ADK: variants seen among roughly 807,000 people sequenced by gnomAD.
ADK encodes the protein N6,N6-dimethyladenosine kinase.
In ADK, 24 loss-of-function variants were observed where a neutral mutation model predicts 44.7. The ratio of observed to expected loss-of-function variants is 0.54; its 90% confidence interval spans 0.39 to 0.76. The LOEUF is 0.76. Ranked by LOEUF, ADK falls within the 30% of genes least tolerant of loss-of-function variation. The probability of loss-of-function intolerance (pLI) is 0.00; values close to 1 mark genes in which losing one functional copy is unlikely to be tolerated. For synonymous variants in ADK, 128 were observed against 142.6 expected, an observed-to-expected ratio of 0.90 and a Z score of 0.73; for missense variants, 321 against 425.1, an observed-to-expected ratio of 0.76 and a Z score of 2.15.
At chr10:74,332,921 CTTAAA>C in intron 4 of ADK, among the ~76,000 whole-genome samples, 1 of 152,022 alleles carries the variant, frequency 6.6e-6, no homozygotes. Context: ...GGTTATTTTT[CTTAAA>C]TTGAATATGA....
At chr10:74,623,222 T>C (rs1265552952) in intron 9 of ADK, among the ~76,000 whole-genome samples, 3 of 152,130 alleles carry the variant, frequency 2.0e-5, no homozygotes, top group Non-Finnish European at 2.9e-5. Context: ...TGCTGCTATA[T>C]ATACTATAAT....
intron 6 of ADK, among the ~76,000 whole-genome samples, chr10:74,483,519 T>C (rs1847150872): frequency 6.6e-6 from 1 of 152,214 alleles, no homozygotes; most frequent in Admixed American, 6.5e-5. Context: ...CCAACTTAAA[T>C]TCCTGCCCAG....
At chr10:74,317,607 A>T (rs1184691506) in intron 4 of ADK, among the ~76,000 whole-genome samples, 8 of 151,542 alleles carry the variant, frequency 5.3e-5, no homozygotes, top group Non-Finnish European at 1.2e-4. Context: ...ACTTCCTTGG[A>T]TATGTGCCTA....
At chr10:74,243,346 T>G (rs975694907) in intron 3 of ADK, among the ~76,000 whole-genome samples, 1 of 152,178 alleles carries the variant, frequency 6.6e-6, no homozygotes, top group African/African-American at 2.4e-5. Flanking sequence ...TCGCCCTTGT[T>G]GCAAGTCCAA....
intron 3 of ADK, among the ~76,000 whole-genome samples, chr10:74,225,003 G>A (rs1844477479): frequency 2.0e-5 from 3 of 152,194 alleles, no homozygotes; most frequent in South Asian, 4.1e-4. Context: ...TCATGGTAAT[G>A]ATAGACAAAT....
At chr10:74,419,748 G>A (rs1844494698) in intron 6 of ADK, among the ~76,000 whole-genome samples, 1 of 152,112 alleles carries the variant, frequency 6.6e-6, no homozygotes, top group South Asian at 2.1e-4. Context: ...TAATTAAAAT[G>A]ATAAAACATC....
chr10:74,680,639 G>A (rs1174217885), intron 10 of ADK, among the ~76,000 whole-genome samples: 1 of 152,014 alleles, frequency 6.6e-6, no homozygotes, highest in African/African-American at 2.4e-5. Flanking sequence ...TTAGTACCTA[G>A]CAGAAATCTT....
intron 3 of ADK, among the ~76,000 whole-genome samples, chr10:74,293,901 A>G (rs1465511097): frequency 6.6e-6 from 1 of 152,242 alleles, no homozygotes; most frequent in Non-Finnish European, 1.5e-5. Context: ...TTCTAGAAAT[A>G]GAACTTGGCC....
chr10:74,611,172 T>A (rs183526048), intron 9 of ADK, among the ~76,000 whole-genome samples: 59 of 149,046 alleles, frequency 4.0e-4, no homozygotes, highest in African/African-American at 1.4e-3. Context: ...TACAGGTGCC[T>A]ACCACCCTGC....
chr10:74,594,343 A>T (rs1265333960), intron 8 of ADK, among the ~76,000 whole-genome samples: 1 of 149,274 alleles, frequency 6.7e-6, no homozygotes, highest in Non-Finnish European at 1.5e-5. Context: ...ATTAAAAAAA[A>T]TTTCTAGTAA....
chr10:74,680,481 G>T (rs1332463788), intron 10 of ADK, among the ~76,000 whole-genome samples: 1 of 152,214 alleles, frequency 6.6e-6, no homozygotes, highest in African/African-American at 2.4e-5. Flanking sequence ...GATGTACTGG[G>T]AGGTGGCTGA....
chr10:74,560,039 C>G (rs7897643), intron 7 of ADK, among the ~76,000 whole-genome samples: 7,032 of 152,080 alleles, frequency 0.046, 565 homozygotes, highest in African/African-American at 0.16. Flanking sequence ...GCCACAGGCT[C>G]CTGAGTAGCT....
chr10:74,552,441 AG>A (rs975695249), intron 7 of ADK, among the ~76,000 whole-genome samples: 3 of 152,148 alleles, frequency 2.0e-5, no homozygotes, highest in Admixed American at 6.5e-5. Flanking sequence ...TAGTAGACTG[AG>A]GGTAGAAGAG....
intron 9 of ADK, among the ~76,000 whole-genome samples, chr10:74,639,318 A>G (rs1853743617): frequency 6.6e-6 from 1 of 152,198 alleles, no homozygotes; most frequent in South Asian, 2.1e-4. Context: ...TTATACAGCA[A>G]TTTCAGCTCT....
intron 7 of ADK, among the ~76,000 whole-genome samples, chr10:74,581,851 A>G (rs1223439177): frequency 6.6e-6 from 1 of 152,188 alleles, no homozygotes; most frequent in Non-Finnish European, 1.5e-5. Flanking sequence ...CAAAAGCAGA[A>G]TACTTTTTCA....
chr10:74,547,009 A>G (rs1849844790), intron 7 of ADK, among the ~76,000 whole-genome samples: 1 of 152,178 alleles, frequency 6.6e-6, no homozygotes, highest in Non-Finnish European at 1.5e-5. Flanking sequence ...GTTTCCTTGT[A>G]GGGTTTTTCC....
chr10:74,369,671 A>G (rs1842598820), intron 4 of ADK, among the ~76,000 whole-genome samples: 1 of 152,096 alleles, frequency 6.6e-6, no homozygotes, highest in Non-Finnish European at 1.5e-5. Context: ...ATAAGGAACC[A>G]ATGGTAATAT....
At chr10:74,378,467 G>T (rs1346234825) in intron 4 of ADK, among the ~76,000 whole-genome samples, 1 of 151,808 alleles carries the variant, frequency 6.6e-6, no homozygotes, top group Non-Finnish European at 1.5e-5. Flanking sequence ...TTTTCTTCTT[G>T]TATAATTATG....
At chr10:74,397,891 T>C (rs887443623) in intron 5 of ADK, among the ~76,000 whole-genome samples, 8 of 152,270 alleles carry the variant, frequency 5.3e-5, no homozygotes, top group Admixed American at 3.3e-4. Context: ...ATTTCTAAAA[T>C]TGGACCAGTC....
Sources: gnomAD v4.1 joint callset for allele counts (sites outside exome capture counted in the v4.1 genomes callset) on GRCh38, gnomAD v4.1.1 for gene constraint, MANE v1.5 for transcripts, NCBI Gene and HGNC (gene_info 2026-07-23, HGNC 2026-07-21) for gene names.